AGBL4: variants seen among roughly 807,000 people sequenced by gnomAD.
AGBL4 encodes cytosolic carboxypeptidase 6.
AGBL4 carries 58 observed loss-of-function variants against 66.4 expected under a neutral mutation model. That is an observed-to-expected ratio of 0.87 (90% confidence interval 0.71 to 1.09). The LOEUF (loss-of-function observed/expected upper bound fraction) is 1.09, where lower values mean the gene tolerates loss of function less well. Among genes scored for constraint, AGBL4 ranks in the 50% least tolerant of loss-of-function variants. The pLI is 0.00. For synonymous variants in AGBL4, 234 were observed against 222.9 expected (o/e 1.05, Z -0.44); for missense variants, 579 against 631.0 (o/e 0.92, Z 0.88).
At chr1:48,583,367 G>T (rs1444220896) in intron 11 of AGBL4, among the ~76,000 whole-genome samples, 1 of 152,150 alleles carries the variant, frequency 6.6e-6, no homozygotes, top group Non-Finnish European at 1.5e-5. Flanking sequence ...ACTCGGTGAG[G>T]TTAAGTATTA....
intron 2 of AGBL4, among the ~76,000 whole-genome samples, chr1:49,750,917 C>A (rs1169484431): frequency 2.0e-5 from 3 of 151,816 alleles, no homozygotes; most frequent in African/African-American, 7.2e-5. Flanking sequence ...ACAAATGATG[C>A]GATTTTTGCA....
rs1644094701 is a variant in AGBL4 at position 49,273,037 on chromosome 1, A to C, written c.283-27173T>G. On this transcript the variant is annotated intron_variant, in intron 3 of 13. Coordinates refer to ENST00000371839, the MANE Select transcript of AGBL4 (RefSeq NM_032785.4). Reference sequence around the variant, plus strand: ...CTTCCATAATATTTTCAAATACTTAATTTGTCTGTGAGCTTATGTCTTCAA... The same window carrying C: ...CTTCCATAATATTTTCAAATACTTACTTTGTCTGTGAGCTTATGTCTTCAA... Among the ~76,000 whole-genome samples, 3 of 152,132 alleles carry C rather than the reference A, an allele frequency of 2.0e-5. No individual in the cohort carries two copies. The East Asian group carries it at 5.8e-4, about 29-fold the overall frequency.
chr1:49,650,706 C>T (rs758625486), intron 3 of AGBL4, among the ~76,000 whole-genome samples: 11 of 152,228 alleles, frequency 7.2e-5, no homozygotes, highest in Non-Finnish European at 1.3e-4. Flanking sequence ...ATCCCTTCAA[C>T]ATGGGCTGCC....
chr1:49,725,537 T>A (rs1648953670), intron 2 of AGBL4, among the ~76,000 whole-genome samples: 1 of 152,100 alleles, frequency 6.6e-6, no homozygotes, highest in East Asian at 1.9e-4. Flanking sequence ...GGCTCTAGGA[T>A]GAGGCTGAAA....
chr1:49,501,927 T>A (rs1453415436), intron 3 of AGBL4, among the ~76,000 whole-genome samples: 1 of 152,168 alleles, frequency 6.6e-6, no homozygotes, highest in Non-Finnish European at 1.5e-5. Flanking sequence ...CCAAAATTTC[T>A]CCTGTTATTG....
At chr1:48,846,417 GAA>G (rs912552571) in intron 6 of AGBL4, among the ~76,000 whole-genome samples, 2 of 142,102 alleles carry the variant, frequency 1.4e-5, no homozygotes, top group African/African-American at 5.4e-5. Context: ...AAGAAAGAAA[GAA>G]AGAAATTCAT....
intron 3 of AGBL4, among the ~76,000 whole-genome samples, chr1:49,573,955 C>T (rs550218642): frequency 5.9e-5 from 9 of 152,172 alleles, no homozygotes; most frequent in South Asian, 2.1e-4. Context: ...ATCAGCCTGT[C>T]GATCTTTGTC....
chr1:49,030,364 T>C (rs543894164), intron 5 of AGBL4, among the ~76,000 whole-genome samples: 9 of 152,154 alleles, frequency 5.9e-5, no homozygotes, highest in Non-Finnish European at 1.3e-4. Flanking sequence ...CAACAGACAC[T>C]GGATCTGCCA....
chr1:48,586,505 G>T, intron 11 of AGBL4: 1 of 161,456 alleles, frequency 6.2e-6, no homozygotes. Flanking sequence ...GGGAACAAGG[G>T]TGAGAAAAGT....
chr1:48,875,142 T>C (rs1356507669), intron 5 of AGBL4, among the ~76,000 whole-genome samples: 1 of 152,184 alleles, frequency 6.6e-6, no homozygotes, highest in African/African-American at 2.4e-5. Flanking sequence ...AAGACAGATA[T>C]GTCAAGCAAA....
At chr1:49,051,423 T>C (rs1644208474) in intron 4 of AGBL4, among the ~76,000 whole-genome samples, 1 of 152,166 alleles carries the variant, frequency 6.6e-6, no homozygotes, top group Non-Finnish European at 1.5e-5. Context: ...AGTTATAGTC[T>C]CTTGGTTCTC....
intron 3 of AGBL4, among the ~76,000 whole-genome samples, chr1:49,664,044 T>TA (rs1646318287): frequency 1.3e-5 from 2 of 151,886 alleles, no homozygotes; most frequent in African/African-American, 4.8e-5. Flanking sequence ...GAAGAAAACT[T>TA]AGAGAGGAGT....
intron 5 of AGBL4, among the ~76,000 whole-genome samples, chr1:48,921,352 G>A (rs1468147295): frequency 1.3e-5 from 2 of 152,166 alleles, no homozygotes; most frequent in Non-Finnish European, 2.9e-5. Flanking sequence ...AATTCCTACC[G>A]TGACAGACTC....
At chr1:49,382,986 C>T (rs1188517261) in intron 3 of AGBL4, among the ~76,000 whole-genome samples, 2 of 152,068 alleles carry the variant, frequency 1.3e-5, no homozygotes, top group Middle Eastern at 3.2e-3. Flanking sequence ...AAAGCAGTTG[C>T]ATTTCTATAC....
chr1:49,079,486 C>T (rs145240297), intron 4 of AGBL4, among the ~76,000 whole-genome samples: 354 of 152,238 alleles, frequency 2.3e-3, no homozygotes, highest in African/African-American at 8.3e-3. Flanking sequence ...CATCAGTTCT[C>T]GTGAGAACTC....
chr1:49,756,678 C>G (rs1335508454), intron 2 of AGBL4, among the ~76,000 whole-genome samples: 1 of 152,178 alleles, frequency 6.6e-6, no homozygotes, highest in Non-Finnish European at 1.5e-5. Context: ...CTGCTGTTCT[C>G]ACGATAGTGA....
chr1:48,904,838 A>G (rs563438228), intron 5 of AGBL4, among the ~76,000 whole-genome samples: 57 of 152,340 alleles, frequency 3.7e-4, no homozygotes, highest in Middle Eastern at 6.8e-3. Flanking sequence ...AAAAACTTCA[A>G]TGCAAGAATT....
At chr1:49,751,434 C>T (rs1228955435) in intron 2 of AGBL4, among the ~76,000 whole-genome samples, 1 of 152,162 alleles carries the variant, frequency 6.6e-6, no homozygotes, top group Non-Finnish European at 1.5e-5. Context: ...ATGAAGCCGA[C>T]TTGATCGTGG....
intron 2 of AGBL4, among the ~76,000 whole-genome samples, chr1:49,824,106 G>T (rs905346276): frequency 2.0e-5 from 3 of 152,128 alleles, no homozygotes; most frequent in African/African-American, 7.2e-5. Flanking sequence ...CTACTTGGGA[G>T]GCTCAGACGG....
Sources: allele counts gnomAD v4.1 joint callset (sites outside exome capture counted in the v4.1 genomes callset), GRCh38; gene constraint gnomAD v4.1.1; transcripts MANE v1.5; gene names NCBI Gene and HGNC (gene_info 2026-07-23, HGNC 2026-07-21).